The following PSAP variants were observed in gnomAD, a reference collection of about 807,000 sequenced individuals.
The protein encoded by PSAP is prosaposin.
PSAP carries 25 observed loss-of-function variants against 66.0 expected under a neutral mutation model. The observed-to-expected ratio is 0.38, with a 90% CI of 0.28 to 0.53. The LOEUF is 0.53. Ranked by LOEUF, PSAP falls within the 20% of genes least tolerant of loss-of-function variation. The pLI is 0.83. For missense variants in PSAP, 649 were observed against 668.8 expected, an observed-to-expected ratio of 0.97 and a Z score of 0.33; for synonymous variants, 273 against 258.9, an observed-to-expected ratio of 1.05 and a Z score of -0.52.
intron 4 of PSAP, among the ~76,000 whole-genome samples, chr10:71,829,471 G>T (rs1486274329): frequency 6.6e-6 from 1 of 152,160 alleles, no homozygotes; most frequent in Non-Finnish European, 1.5e-5. Flanking sequence ...TTTATAAAGG[G>T]CAGTTCCCCT....
At chr10:71,832,467 AGAAT>A (rs1418204212) in intron 2 of PSAP, among the ~76,000 whole-genome samples, 1 of 152,212 alleles carries the variant, frequency 6.6e-6, no homozygotes. Flanking sequence ...CCCTTGGGGA[AGAAT>A]GCCCAGGCTC....
chr10:71,843,352 G>A (rs767145361), intron 1 of PSAP, among the ~76,000 whole-genome samples: 2 of 152,108 alleles, frequency 1.3e-5, no homozygotes, highest in Non-Finnish European at 2.9e-5. Flanking sequence ...GCGACCTTGC[G>A]GACACACTTG....
chr10:71,843,397 C>A (rs561549412), intron 1 of PSAP, among the ~76,000 whole-genome samples: 1 of 152,094 alleles, frequency 6.6e-6, no homozygotes, highest in Non-Finnish European at 1.5e-5. Context: ...AGCCACATGG[C>A]CCTCTGGTAT....
At chr10:71,838,434 G>A (rs2394843) in intron 1 of PSAP, among the ~76,000 whole-genome samples, 70,331 of 149,080 alleles carry the variant, frequency 0.47, 17,078 homozygotes, top group Middle Eastern at 0.56. Context: ...TCAGAGACAC[G>A]CGGTCATCTC....
rs1842308828 is a variant in PSAP at position 71,821,953 on chromosome 10, G to C, written c.832C>G (p.Pro278Ala). The change falls in exon 8 of 14, where the codon CCC (proline) becomes GCC (alanine). Residue 278 changes from proline (P) to alanine (A), a missense_variant. Coordinates refer to ENST00000394936, the MANE Select transcript of PSAP (RefSeq NM_002778.4). ...TTGGCGGGGACCAGAGTCTGCATGGGCATCTCTTTCACCTCATCACAGAAC... is the reference window on the plus strand; with the variant it reads ...TTGGCGGGGACCAGAGTCTGCATGGCCATCTCTTTCACCTCATCACAGAAC... ...VGFCDEVKEM[P>A]MQTLVPAKVA... 1 of 1,614,162 alleles carries C rather than the reference G, an allele frequency of 6.2e-7. No homozygotes were observed. Among genetic ancestry groups the C allele is most frequent in the Non-Finnish European group, 8.5e-7 (1 of 1,180,036 alleles).
At chr10:71,817,560 A>AACAGG (rs1842196166) in intron 13 of PSAP, 84 bp from the exon 14 acceptor site, 1 of 1,320,762 alleles carries the variant, frequency 7.6e-7, no homozygotes, top group East Asian at 2.3e-5. Flanking sequence ...ATCACCCCAA[A>AACAGG]ACAGGACCTG....
chr10:71,817,271 G>T lies in PSAP; in HGVS notation c.*170C>A. On this transcript the variant is annotated 3_prime_UTR_variant, in exon 14 of 14. Transcript: ENST00000394936. ...AAGCAGCTATGTCTGCCAGGGGCTAGGGGCTCCCTTGCAGACAGCAATGCT... is the reference window on the plus strand; with the variant it reads ...AAGCAGCTATGTCTGCCAGGGGCTATGGGCTCCCTTGCAGACAGCAATGCT... The T allele has an allele frequency of 1.3e-6, 1 of 782,350 alleles. No homozygotes were observed. The highest frequency in any genetic ancestry group is 1.4e-5 in the South Asian group (1 of 72,062). 48.5% of individuals were successfully genotyped at this position (782,350 alleles called of 1,614,324 possible).
chr10:71,819,835 G>A lies in PSAP; in HGVS notation c.1071C>T (p.Cys357=), dbSNP rs1042900239. 1 of 1,614,108 alleles carries A rather than the reference G, an allele frequency of 6.2e-7. No individual in the cohort carries two copies. Residue 357 remains cysteine, a synonymous_variant, in exon 10 of 14, where the codon TGC becomes TGT. Transcript: ENST00000394936. ...SKLPKSLSEE[C]QEVVDTYGSS... ...TGCCGTACGTGTCCACCACCTCCTG[G>A]CACTCTTCCGACAGGGACTTCGGCA... is the stretch of plus-strand genomic sequence containing the variant.
chr10:71,845,322 A>G (rs149581372), intron 1 of PSAP, among the ~76,000 whole-genome samples: 1 of 152,188 alleles, frequency 6.6e-6, no homozygotes, highest in Non-Finnish European at 1.5e-5. Flanking sequence ...CAAGTCCAGG[A>G]AGGTGGCTCT....
chr10:71,825,789 C>T (rs1386295098), intron 7 of PSAP, 48 bp downstream of exon 7: 5 of 1,549,706 alleles, frequency 3.2e-6, no homozygotes, highest in Non-Finnish European at 4.5e-6. Context: ...AATGACGAAA[C>T]CTGAAAAACA....
intron 7 of PSAP, chr10:71,824,034 T>G (rs976705930): frequency 3.4e-6 from 2 of 588,702 alleles, no homozygotes; most frequent in Non-Finnish European, 5.6e-6. Flanking sequence ...GAAATGCTCT[T>G]GCAATCAGAT....
chr10:71,842,984 T>C (rs1449210161), intron 1 of PSAP, among the ~76,000 whole-genome samples: 1 of 152,138 alleles, frequency 6.6e-6, no homozygotes, highest in Non-Finnish European at 1.5e-5. Context: ...CACTCATCAA[T>C]GCTAAGCACC....
intron 2 of PSAP, among the ~76,000 whole-genome samples, chr10:71,832,285 A>G (rs536597341): frequency 2.0e-5 from 3 of 152,270 alleles, no homozygotes; most frequent in African/African-American, 7.2e-5. Flanking sequence ...GGACAGAGAA[A>G]CAAACGCCCC....
intron 1 of PSAP, among the ~76,000 whole-genome samples, chr10:71,839,832 C>T (rs1252336024): frequency 2.6e-5 from 4 of 152,044 alleles, no homozygotes; most frequent in Non-Finnish European, 2.9e-5. Context: ...CCTGCCTGGG[C>T]GACAGAGCGA....
chr10:71,850,439 CTT>C, intron 1 of PSAP, among the ~76,000 whole-genome samples: 1 of 152,174 alleles, frequency 6.6e-6, no homozygotes, highest in Non-Finnish European at 1.5e-5. Context: ...CCCCCCGCCG[CTT>C]TGAGTTGTTT....
rs12769743 is a variant in PSAP at position 71,820,030 on chromosome 10, A to G, written c.1006-130T>C. On this transcript the variant is annotated intron_variant, in intron 9 of 13. Coordinates refer to ENST00000394936, the MANE Select transcript of PSAP (RefSeq NM_002778.4). The stretch of plus-strand genomic sequence containing the variant: ...CCGTTTCCACCCACAAAAAACTACC[A>G]AACTACAAAGCAGGGCAATGGTGTC... 0.037 allele frequency: 35,441 copies of G among 960,698 alleles called. 898 individuals are homozygous for G. The highest frequency in any genetic ancestry group is 0.11 in the Middle Eastern group (360 of 3,340). 59.5% of individuals were successfully genotyped at this position (960,698 alleles called of 1,614,324 possible).
At chr10:71,827,684 G>A (rs765145369) in intron 6 of PSAP, among the ~76,000 whole-genome samples, 6 of 146,676 alleles carry the variant, frequency 4.1e-5, no homozygotes, top group South Asian at 2.1e-4. Flanking sequence ...CTGAGATCAC[G>A]CCACTGCACT....
chr10:71,820,401 T>G, intron 8 of PSAP, 66 bp from the exon 9 acceptor site: 1 of 1,368,310 alleles, frequency 7.3e-7, no homozygotes, highest in Non-Finnish European at 1.0e-6. Flanking sequence ...CTTGCTCCCC[T>G]AAAGGAAAGG....
In PSAP at chr10:71,821,987, C is replaced by T. The variant is rs199672678; in HGVS notation, c.798G>A (p.Ala266=). The T allele has an allele frequency of 4.1e-5, 66 of 1,614,044 alleles. 1 individual carries two copies. The highest frequency in any genetic ancestry group is 1.6e-4 in the Middle Eastern group (1 of 6,082). The part of the protein sequence containing the change: ...MMHMQPKEIC[A]LVGFCDEVKE... ...TCACCTCATCACAGAACCCAACCAG[C>T]GCACAGATCTCCTTGGGTTGCTGAA... Residue 266 remains alanine (A), a synonymous_variant, in exon 8 of 14, where the codon GCG becomes GCA. Coordinates refer to ENST00000394936, the MANE Select transcript of PSAP (RefSeq NM_002778.4).
Sources: allele counts gnomAD v4.1 joint callset (sites outside exome capture counted in the v4.1 genomes callset), GRCh38; gene constraint gnomAD v4.1.1; transcripts MANE v1.5; gene names NCBI Gene and HGNC (gene_info 2026-07-23, HGNC 2026-07-21).